The following ZNF704 variants were observed in gnomAD, a reference collection of about 807,000 sequenced individuals.
ZNF704 encodes glucocorticoid induced gene 1.
Under a neutral mutation model 44.7 loss-of-function variants are expected in ZNF704, and 10 were observed. That is an observed-to-expected ratio of 0.22 (90% CI 0.14 to 0.38). ZNF704 has a LOEUF of 0.38. Among genes scored for constraint, ZNF704 ranks in the 10% least tolerant of loss-of-function variants. The pLI, the probability that ZNF704 is intolerant of heterozygous loss-of-function variation, is 1.00. For synonymous variants in ZNF704, 211 were observed against 207.6 expected (o/e 1.02, Z -0.14); for missense variants, 390 against 545.5 (o/e 0.71, Z 2.84).
At chr8:80,663,101 C>A (rs1184479214) in intron 6 of ZNF704, among the ~76,000 whole-genome samples, 2 of 151,998 alleles carry the variant, frequency 1.3e-5, no homozygotes, top group African/African-American at 4.8e-5. Context: ...AATTAATGGC[C>A]AGGCATGGTG....
intron 5 of ZNF704, among the ~76,000 whole-genome samples, chr8:80,666,950 G>T (rs967293085): frequency 2.0e-5 from 3 of 152,004 alleles, no homozygotes; most frequent in Admixed American, 2.0e-4. Context: ...CTTTTGCTGT[G>T]CAGAAGCTCT....
At chr8:80,701,463 G>T (rs1278308531) in intron 2 of ZNF704, among the ~76,000 whole-genome samples, 2 of 151,614 alleles carry the variant, frequency 1.3e-5, no homozygotes, top group African/African-American at 4.9e-5. Flanking sequence ...CTTCAGTCTC[G>T]CAGGGAGGTT....
rs2131584705 is a variant in ZNF704 at position 80,637,974 on chromosome 8, G to A, written c.*3392C>T. On this transcript the variant is annotated 3_prime_UTR_variant, in exon 9 of 9. Transcript: ENST00000327835. Reference sequence around the variant, plus strand: ...TTGCTTCAGGCAGCTGCTCCCAGAGGAGAAAATGGCAGCTCCCTGGGAGGT... The same window carrying A: ...TTGCTTCAGGCAGCTGCTCCCAGAGAAGAAAATGGCAGCTCCCTGGGAGGT... The A allele has an allele frequency of 6.6e-6, 1 of 152,418 alleles. No individual in the cohort carries two copies. The highest frequency in any genetic ancestry group is 1.9e-4 in the East Asian group (1 of 5,194). The allele number at this position is 152,418 out of a possible 1,614,324, so 9.4% of individuals were successfully genotyped here.
At chr8:80,735,568 G>A (rs1769482236) in intron 2 of ZNF704, among the ~76,000 whole-genome samples, 1 of 152,142 alleles carries the variant, frequency 6.6e-6, no homozygotes, top group African/African-American at 2.4e-5. Flanking sequence ...GAGTTTCATT[G>A]GACAGCGATG....
chr8:80,755,094 T>C (rs932892700), intron 2 of ZNF704, among the ~76,000 whole-genome samples: 1 of 152,340 alleles, frequency 6.6e-6, no homozygotes, highest in Non-Finnish European at 1.5e-5. Flanking sequence ...CTTCCCACCA[T>C]GGCTTAAGAT....
At chr8:80,868,196 C>A (rs1809190587) in intron 1 of ZNF704, among the ~76,000 whole-genome samples, 1 of 152,000 alleles carries the variant, frequency 6.6e-6, no homozygotes, top group South Asian at 2.1e-4. Context: ...ATACAGGCGC[C>A]CAGGGGTTAG....
At chr8:80,654,518 A>C (rs1179244720) in intron 7 of ZNF704, among the ~76,000 whole-genome samples, 1 of 152,216 alleles carries the variant, frequency 6.6e-6, no homozygotes, top group Non-Finnish European at 1.5e-5. Context: ...ACCCCATCAA[A>C]AAGTGGGCGA....
At chr8:80,858,157 TA>T (rs567082682) in intron 1 of ZNF704, among the ~76,000 whole-genome samples, 1 of 152,114 alleles carries the variant, frequency 6.6e-6, no homozygotes, top group Non-Finnish European at 1.5e-5. Context: ...TTTCTCTTTT[TA>T]AAAAAAATCA....
chr8:80,778,621 G>A (rs1394838653), intron 2 of ZNF704, among the ~76,000 whole-genome samples: 1 of 151,924 alleles, frequency 6.6e-6, no homozygotes, highest in Admixed American at 6.6e-5. Context: ...GCCCACCAAC[G>A]GTAGACTGTA....
intron 1 of ZNF704, among the ~76,000 whole-genome samples, chr8:80,850,276 T>A (rs367944027): frequency 6.6e-6 from 1 of 152,202 alleles, no homozygotes; most frequent in East Asian, 1.9e-4. Context: ...ATGTAACTGT[T>A]CATTTTTTTT....
At chr8:80,678,965 T>C (rs1352576077) in intron 4 of ZNF704, among the ~76,000 whole-genome samples, 1 of 152,140 alleles carries the variant, frequency 6.6e-6, no homozygotes, top group Non-Finnish European at 1.5e-5. Flanking sequence ...TCCTTCTGCC[T>C]GGCCACAGGT....
Position 80,841,707 on chromosome 8 carries a change from A to G in ZNF704, c.-21-20092T>C, listed in dbSNP as rs142063322. Among the ~76,000 whole-genome samples the G allele has an allele frequency of 2.7e-3, 410 of 152,350 alleles. 7 individuals carry two copies. The highest frequency in any genetic ancestry group is 0.023 in the Admixed American group (352 of 15,308). On this transcript the variant is annotated intron_variant, in intron 1 of 8. Transcript: ENST00000327835. ...CCCTCTGGCATGAACTCAAGGTGCC[A>G]GAGAGATCCCTAGCAGAGATACATA... is the stretch of plus-strand genomic sequence containing the variant.
intron 1 of ZNF704, 93 bp from the exon 2 acceptor site, chr8:80,821,708 T>C (rs1808274659): frequency 1.2e-6 from 1 of 852,746 alleles, no homozygotes; most frequent in Non-Finnish European, 1.9e-6. Context: ...ACAGACACTG[T>C]CCTTCCTGTT....
intron 2 of ZNF704, among the ~76,000 whole-genome samples, chr8:80,699,860 G>A (rs184165594): frequency 1.3e-3 from 201 of 152,170 alleles, no homozygotes; most frequent in African/African-American, 4.7e-3. Flanking sequence ...TGGACCCTAT[G>A]TTCCATTGCA....
intron 2 of ZNF704, among the ~76,000 whole-genome samples, chr8:80,726,408 A>T (rs1806481418): frequency 6.6e-6 from 1 of 152,222 alleles, no homozygotes; most frequent in African/African-American, 2.4e-5. Context: ...TTTCAGCTAC[A>T]GGGGAGATTT....
chr8:80,837,215 G>C (rs1310018190), intron 1 of ZNF704, among the ~76,000 whole-genome samples: 2 of 152,020 alleles, frequency 1.3e-5, no homozygotes, highest in Non-Finnish European at 2.9e-5. Context: ...TAGTAATTTG[G>C]GGGGAAGAAA....
chr8:80,723,120 C>T (rs1196480141), intron 2 of ZNF704, among the ~76,000 whole-genome samples: 2 of 152,114 alleles, frequency 1.3e-5, no homozygotes, highest in Non-Finnish European at 2.9e-5. Flanking sequence ...AACAAAACTA[C>T]AAAGTTTTCT....
chr8:80,681,515 C>T lies in ZNF704; in HGVS notation c.558+5711G>A, dbSNP rs573286002. On this transcript the variant is annotated intron_variant, in intron 4 of 8. Coordinates refer to ENST00000327835, the MANE Select transcript of ZNF704 (RefSeq NM_001033723.3). The stretch of plus-strand genomic sequence containing the variant: ...TTGGTGGTGCCTTTGACTGAAGCGG[C>T]GTATGAGGAGTGCTGGCCTTGGTTA... 2.0e-5 allele frequency among the ~76,000 whole-genome samples: 3 copies of T among 152,016 alleles called. No homozygotes were observed. The South Asian group carries it at 6.3e-4, about 32-fold the overall frequency.
Position 80,798,475 on chromosome 8 carries a change from G to A in ZNF704, c.221+22899C>T, listed in dbSNP as rs532786590. Among the ~76,000 whole-genome samples the A allele has an allele frequency of 4.6e-5, 7 of 152,204 alleles. No individual in the cohort carries two copies. In the East Asian group the frequency reaches 5.8e-4, roughly 13 times the overall value. ...TCTCCATGTTGGTCAGGCTGGTCTCGAACTCTCAACCTCAGGTGATCTGCC... is the reference window on the plus strand; with the variant it reads ...TCTCCATGTTGGTCAGGCTGGTCTCAAACTCTCAACCTCAGGTGATCTGCC... On this transcript the variant is annotated intron_variant, in intron 2 of 8. Coordinates refer to ENST00000327835, the MANE Select transcript of ZNF704 (RefSeq NM_001033723.3).
Sources: allele counts gnomAD v4.1 joint callset (sites outside exome capture counted in the v4.1 genomes callset), GRCh38; gene constraint gnomAD v4.1.1; transcripts MANE v1.5; gene names NCBI Gene and HGNC (gene_info 2026-07-23, HGNC 2026-07-21).